Variants in TXNRD2 observed in about 807,000 individuals in gnomAD.
The protein encoded by TXNRD2 is thioredoxin reductase 2, also known as thioredoxin reductase 2, mitochondrial.
In TXNRD2, 67 loss-of-function variants were observed where a neutral mutation model predicts 70.8. The ratio of observed to expected loss-of-function variants is 0.95; its 90% CI spans 0.78 to 1.16. The LOEUF (loss-of-function observed/expected upper bound fraction) is 1.16, where lower values mean the gene tolerates loss of function less well. Ranked by LOEUF, TXNRD2 falls within the 50% of genes most tolerant of loss-of-function variation. TXNRD2 has a pLI of 0.00. For synonymous variants in TXNRD2, 301 were observed against 295.8 expected, an observed-to-expected ratio of 1.02 and a Z score of -0.18; for missense variants, 644 against 719.9, an observed-to-expected ratio of 0.89 and a Z score of 1.21.
At chr22:19,924,731 G>A (rs868592586) in intron 2 of TXNRD2, among the ~76,000 whole-genome samples, 3 of 152,130 alleles carry the variant, frequency 2.0e-5, no homozygotes, top group Non-Finnish European at 4.4e-5. Flanking sequence ...AAAATGAAAC[G>A]CAGAGTAAGA....
chr22:19,918,881 G>A lies in TXNRD2; in HGVS notation c.353C>T (p.Ala118Val). 6.2e-7 allele frequency: 1 copy of A among 1,610,370 alleles called. No individual in the cohort carries two copies. The change falls in exon 4 of 18, where the codon GCC (alanine) becomes GTC (valine). Residue 118 changes from alanine (A) to valine (V), a missense_variant. By Grantham distance (64) the Ala-to-Val change is moderately conservative. Around this residue, in one of 3 missense-constraint regions of TXNRD2, gnomAD observed 566 missense variants for 645.0 expected, o/e 0.88. Transcript: ENST00000400521. Reference sequence around the variant, plus strand: ...TTACCAGTCATGCGGCACGGGCTGGGCCACCTCCCAGCCATAGTTGGGGGC... The same window carrying A: ...TTACCAGTCATGCGGCACGGGCTGGACCACCTCCCAGCCATAGTTGGGGGC... ...QDAPNYGWEV[A>V]QPVPHDWRKM...
At chr22:19,896,124 TG>T (rs1317942653) in intron 10 of TXNRD2, among the ~76,000 whole-genome samples, 1 of 151,980 alleles carries the variant, frequency 6.6e-6, no homozygotes, top group Non-Finnish European at 1.5e-5. Flanking sequence ...GGTGAAACAC[TG>T]TCTCTACTAA....
chr22:19,927,651 C>CAAAAAAAAAAAAAAAAAAAA (rs149665821), intron 2 of TXNRD2, among the ~76,000 whole-genome samples: 1 of 68,400 alleles, frequency 1.5e-5, no homozygotes, highest in African/African-American at 5.5e-5. Context: ...GACCTTGTCT[C>CAAAAAAAAAAAAAAAAAAAA]AAAAAAAAAA....
chr22:19,878,234 G>A, intron 15 of TXNRD2, 47 bp from the exon 16 acceptor site: 1 of 1,599,646 alleles, frequency 6.3e-7, no homozygotes, highest in Non-Finnish European at 8.6e-7. Context: ...GGGCTGGGTT[G>A]CGTCCACCCT....
At chr22:19,881,348 C>CA (rs1938765930) in intron 12 of TXNRD2, 2 of 343,476 alleles carry the variant, frequency 5.8e-6, no homozygotes, top group Non-Finnish European at 5.2e-6. Flanking sequence ...GAGATAAACT[C>CA]AGAGCGCAGC....
chr22:19,904,584 T>G (rs4819846), intron 8 of TXNRD2, among the ~76,000 whole-genome samples: 45,363 of 152,156 alleles, frequency 0.3, 7,393 homozygotes, highest in East Asian at 0.65. Flanking sequence ...TCGCCAGATC[T>G]GGAGCTCCCG....
intron 8 of TXNRD2, among the ~76,000 whole-genome samples, chr22:19,903,742 G>A (rs976342671): frequency 5.9e-5 from 9 of 152,332 alleles, no homozygotes; most frequent in South Asian, 2.1e-4. Context: ...GGAGCTCCCC[G>A]GTGTGGGCTC....
chr22:19,884,836 A>G (rs1162623873), intron 11 of TXNRD2, among the ~76,000 whole-genome samples: 3 of 152,208 alleles, frequency 2.0e-5, no homozygotes, highest in Admixed American at 2.0e-4. Flanking sequence ...GAGCAGAGCT[A>G]GCAGCCGGGT....
intron 2 of TXNRD2, among the ~76,000 whole-genome samples, chr22:19,926,609 G>A (rs564351822): frequency 8.6e-5 from 13 of 151,780 alleles, no homozygotes; most frequent in East Asian, 2.0e-4. Flanking sequence ...GTGAAACCCC[G>A]TCTCTACTAA....
At position 19,880,098 on chromosome 22, in the gene TXNRD2, G is replaced by A; in HGVS notation, c.1275+81C>T. 3.4e-6 allele frequency: 5 copies of A among 1,460,404 alleles called. No individual in the cohort carries two copies. The South Asian group carries it at 5.7e-5, about 17-fold the overall frequency. 90.5% of individuals were successfully genotyped at this position (1,460,404 alleles called of 1,614,324 possible). A position where few individuals can be genotyped will look rare whatever the true frequency, so the allele number is the denominator to read the frequency against. Reference sequence around the variant, plus strand: ...TGGAAAGGAGAGACCTTGGCACCCTGCTCACAAGGCCTCCGCCCAGAGCAT... The same window carrying A: ...TGGAAAGGAGAGACCTTGGCACCCTACTCACAAGGCCTCCGCCCAGAGCAT... On this transcript the variant is annotated intron_variant, in intron 14 of 17. Coordinates refer to ENST00000400521, the MANE Select transcript of TXNRD2 (RefSeq NM_006440.5).
chr22:19,916,978 C>G (rs1438660251), intron 5 of TXNRD2, among the ~76,000 whole-genome samples: 1 of 152,216 alleles, frequency 6.6e-6, no homozygotes, highest in Non-Finnish European at 1.5e-5. Flanking sequence ...CCTGCTTGAG[C>G]CTGCCTTCTC....
intron 1 of TXNRD2, among the ~76,000 whole-genome samples, chr22:19,936,652 T>C (rs1267290247): frequency 6.6e-6 from 1 of 152,170 alleles, no homozygotes; most frequent in African/African-American, 2.4e-5. Context: ...CCCTTCTTCA[T>C]GCAGGGACAC....
chr22:19,893,024 C>T (rs2145962699), intron 11 of TXNRD2, among the ~76,000 whole-genome samples: 1 of 152,374 alleles, frequency 6.6e-6, no homozygotes. Flanking sequence ...CGGTCATCAC[C>T]TCTGCGCTTG....
chr22:19,909,861 A>ACTCACACACACAAC (rs1381679514), intron 8 of TXNRD2, among the ~76,000 whole-genome samples: 4 of 83,250 alleles, frequency 4.8e-5, no homozygotes, highest in African/African-American at 1.5e-4. Flanking sequence ...CACACACACC[A>ACTCACACACACAAC]CACACACACC....
intron 6 of TXNRD2, among the ~76,000 whole-genome samples, chr22:19,915,538 C>A (rs377152658): frequency 6.6e-6 from 1 of 152,196 alleles, no homozygotes; most frequent in East Asian, 1.9e-4. Context: ...AAAAATCCTG[C>A]AAAAAGGGTG....
At chr22:19,921,368 T>C (rs2146057352) in intron 2 of TXNRD2, among the ~76,000 whole-genome samples, 1 of 149,924 alleles carries the variant, frequency 6.7e-6, no homozygotes, top group South Asian at 2.1e-4. Flanking sequence ...TGAGTCAAGA[T>C]TGTGCCACTG....
chr22:19,915,172 T>C, intron 7 of TXNRD2, 42 bp downstream of exon 7: 2 of 1,601,110 alleles, frequency 1.2e-6, no homozygotes, highest in African/African-American at 1.3e-5. Flanking sequence ...AGGCCGGGAA[T>C]GGGCCACGGC....
At chr22:19,895,710 C>CCCGT in intron 10 of TXNRD2, 129 bp from the exon 11 acceptor site, 1 of 1,010,550 alleles carries the variant, frequency 9.9e-7, no homozygotes, top group Non-Finnish European at 1.5e-6. Context: ...GGTGAGACAC[C>CCCGT]CTGCCCCCTG....
Position 19,918,961 on chromosome 22 carries a change from G to A in TXNRD2, c.273C>T (p.Cys91=), listed in dbSNP as rs1339044313. 4 of 1,612,716 alleles carry A rather than the reference G, an allele frequency of 2.5e-6. No individual in the cohort carries two copies. The highest frequency in any genetic ancestry group is 3.4e-6 in the Non-Finnish European group (4 of 1,179,940). Residue 91 remains cysteine, a synonymous_variant, in exon 4 of 18, where the codon TGC becomes TGT. Coordinates refer to ENST00000400521, the MANE Select transcript of TXNRD2 (RefSeq NM_006440.5). ...GLGGTCVNVG[C]IPKKLMHQAA... ...CCTGGTGCATCAGCTTCTTGGGGATGCAGCCCACGTTGACGCAGGTGCCGC... is the reference window on the plus strand; with the variant it reads ...CCTGGTGCATCAGCTTCTTGGGGATACAGCCCACGTTGACGCAGGTGCCGC...
Sources: allele counts gnomAD v4.1 joint callset (sites outside exome capture counted in the v4.1 genomes callset), GRCh38; gene constraint gnomAD v4.1.1; regional missense constraint gnomAD v4.1.1; transcripts MANE v1.5; gene names NCBI Gene and HGNC (gene_info 2026-07-23, HGNC 2026-07-21).